Variants in ANKRD12 observed in about 807,000 individuals in gnomAD.
ANKRD12 encodes the protein ankyrin repeat domain 12.
Under a neutral mutation model 183.4 loss-of-function variants are expected in ANKRD12, and 85 were observed. The observed-to-expected ratio is 0.46, with a 90% confidence interval of 0.39 to 0.56. The LOEUF is 0.56. ANKRD12 is among the 20% of genes least tolerant of loss of function. The pLI is 0.00. For missense variants in ANKRD12, 2,405 were observed against 2,357.1 expected, an observed-to-expected ratio of 1.02 and a Z score of -0.42; for synonymous variants, 914 against 800.2, an observed-to-expected ratio of 1.14 and a Z score of -2.40.
rs550677627 is a variant in ANKRD12 at position 9,255,525 on chromosome 18, A to G, written c.2258A>G (p.Lys753Arg). ...AGGAACTTTAAAGAGGAACGAGACA[A>G]GATTAAAAAGGAAAGCGAGAAATCT... The part of the protein sequence containing the change: ...KERNFKEERD[K>R]IKKESEKSFR... Residue 753 changes from lysine (K) to arginine (R), a missense_variant, in exon 9 of 13, where the codon AAG becomes AGG. Physicochemically the swap from Lys to Arg is conservative, Grantham distance 26 (BLOSUM62 2). This residue lies in a region of ANKRD12 where 1,983 missense variants were observed against 1,725.9 expected (regional missense o/e 1.15). Transcript: ENST00000262126. The G allele has an allele frequency of 3.2e-6, 5 of 1,578,966 alleles. No homozygotes were observed. Among genetic ancestry groups the G allele is most frequent in the South Asian group, 1.2e-5 (1 of 83,228 alleles).
intron 1 of ANKRD12, among the ~76,000 whole-genome samples, chr18:9,148,770 C>T (rs185214414): frequency 7.9e-5 from 12 of 152,234 alleles, no homozygotes; most frequent in Admixed American, 7.8e-4. Context: ...GTCCATCTTC[C>T]AGAGTTTCAC....
chr18:9,231,471 TG>T (rs2037042353), intron 8 of ANKRD12, among the ~76,000 whole-genome samples: 1 of 152,194 alleles, frequency 6.6e-6, no homozygotes, highest in Admixed American at 6.5e-5. Flanking sequence ...CTTGCTGTAA[TG>T]ATCTCTTTAT....
chr18:9,186,137 A>AT (rs11310603), intron 2 of ANKRD12, among the ~76,000 whole-genome samples: 17,599 of 126,724 alleles, frequency 0.14, 1,468 homozygotes, highest in African/African-American at 0.18. Flanking sequence ...TAAAAGTGTG[A>AT]TTTTTTTTTT....
intron 1 of ANKRD12, among the ~76,000 whole-genome samples, chr18:9,159,691 G>A (rs1036282349): frequency 1.3e-5 from 2 of 151,524 alleles, no homozygotes; most frequent in Non-Finnish European, 2.9e-5. Context: ...CACCCGCCTC[G>A]GCCTCCCAAA....
At chr18:9,226,433 G>GAA (rs34334105) in intron 8 of ANKRD12, among the ~76,000 whole-genome samples, 47 of 151,054 alleles carry the variant, frequency 3.1e-4, no homozygotes, top group African/African-American at 1.0e-3. Context: ...CTCAAAAAAA[G>GAA]AAAAAAAAAT....
intron 1 of ANKRD12, among the ~76,000 whole-genome samples, chr18:9,161,365 TTTTA>T (rs1209842992): frequency 4.6e-5 from 7 of 151,416 alleles, no homozygotes; most frequent in Non-Finnish European, 8.8e-5. Context: ...TTTTATTTTA[TTTTA>T]TTTATTTATT....
chr18:9,224,884 C>T (rs554719821), intron 8 of ANKRD12, among the ~76,000 whole-genome samples: 1 of 152,172 alleles, frequency 6.6e-6, no homozygotes, highest in South Asian at 2.1e-4. Context: ...CTTCTATATA[C>T]GGTATATACC....
intron 3 of ANKRD12, among the ~76,000 whole-genome samples, chr18:9,197,576 TTG>T (rs1274773197): frequency 6.6e-6 from 1 of 152,216 alleles, no homozygotes; most frequent in Admixed American, 6.5e-5. Context: ...AACACATCTT[TTG>T]TGTGTTACGT....
chr18:9,258,322 G>A lies in ANKRD12; in HGVS notation c.5055G>A (p.Glu1685=). 6.2e-7 allele frequency: 1 copy of A among 1,613,704 alleles called. No homozygotes were observed. The change falls in exon 9 of 13, where the codon GAG becomes GAA. Residue 1685 remains glutamate (E), a synonymous_variant. Transcript: ENST00000262126. ...AGTGTTTGCTTTCCATAGAAGATGA[G>A]GAATCTCAACAAAGCATTTTATCAA... ...SEKCLLSIED[E]ESQQSILSSL...
intron 3 of ANKRD12, among the ~76,000 whole-genome samples, chr18:9,202,941 C>A (rs959624137): frequency 6.6e-6 from 1 of 152,126 alleles, no homozygotes; most frequent in African/African-American, 2.4e-5. Flanking sequence ...AACTGGTAAA[C>A]TACATTAATA....
intron 8 of ANKRD12, among the ~76,000 whole-genome samples, chr18:9,244,037 G>A (rs971305046): frequency 6.6e-6 from 1 of 152,144 alleles, no homozygotes; most frequent in Non-Finnish European, 1.5e-5. Context: ...GGGAGGCTGA[G>A]GCAGGAGAAT....
chr18:9,219,828 C>T (rs80248323), intron 7 of ANKRD12, among the ~76,000 whole-genome samples: 103 of 151,588 alleles, frequency 6.8e-4, no homozygotes, highest in African/African-American at 2.3e-3. Context: ...GATATGGAAA[C>T]GACTATTAGA....
intron 1 of ANKRD12, chr18:9,137,194 G>T (rs973341202): frequency 6.7e-6 from 1 of 150,346 alleles, no homozygotes; most frequent in African/African-American, 2.4e-5. Context: ...GGCCGTTAGT[G>T]CCCCCCGGCG....
intron 1 of ANKRD12, among the ~76,000 whole-genome samples, chr18:9,181,360 A>G (rs541681150): frequency 6.6e-6 from 1 of 152,216 alleles, no homozygotes; most frequent in African/African-American, 2.4e-5. Context: ...ACTCTGTTCA[A>G]GGTGTCTGAG....
chr18:9,262,010 ATT>A (rs1210442604), intron 9 of ANKRD12, among the ~76,000 whole-genome samples: 1 of 152,256 alleles, frequency 6.6e-6, no homozygotes, highest in Non-Finnish European at 1.5e-5. Flanking sequence ...AAACAAATGA[ATT>A]ACTGCAATTA....
In ANKRD12 at chr18:9,155,755, T is replaced by G. The variant is rs571953822; in HGVS notation, c.-52+18790T>G. On this transcript the variant is annotated intron_variant, in intron 1 of 12. Coordinates refer to ENST00000262126, the MANE Select transcript of ANKRD12 (RefSeq NM_015208.5). The stretch of plus-strand genomic sequence containing the variant: ...TTTGTTCTTTGTTCATGTCTTCTGA[T>G]TTTTTTTGTAATTTTTCTGTTTTTC... Among the ~76,000 whole-genome samples the G allele has an allele frequency of 3.9e-5, 6 of 152,190 alleles. No individual in the cohort carries two copies. The East Asian group carries it at 9.6e-4, about 24-fold the overall frequency.
chr18:9,217,757 T>G (rs2036192256), intron 7 of ANKRD12, among the ~76,000 whole-genome samples: 1 of 152,198 alleles, frequency 6.6e-6, no homozygotes, highest in Non-Finnish European at 1.5e-5. Context: ...GATATTCTTG[T>G]CTAGTGTCAT....
intron 2 of ANKRD12, among the ~76,000 whole-genome samples, chr18:9,193,875 A>G (rs1041961749): frequency 6.6e-6 from 1 of 152,218 alleles, no homozygotes; most frequent in Non-Finnish European, 1.5e-5. Flanking sequence ...AGGAGTTGTC[A>G]TACCCCAGTT....
At chr18:9,189,204 A>C (rs1007765092) in intron 2 of ANKRD12, among the ~76,000 whole-genome samples, 2 of 152,202 alleles carry the variant, frequency 1.3e-5, no homozygotes, top group African/African-American at 4.8e-5. Flanking sequence ...AACCAGCTAC[A>C]ACATCCCCTT....
Sources: gnomAD v4.1 joint callset for allele counts (sites outside exome capture counted in the v4.1 genomes callset) on GRCh38, gnomAD v4.1.1 for gene constraint, gnomAD v4.1.1 regional missense constraint, MANE v1.5 for transcripts, NCBI Gene and HGNC (gene_info 2026-07-23, HGNC 2026-07-21) for gene names.